KALRN: variants seen among roughly 807,000 people sequenced by gnomAD.
KALRN encodes kalirin RhoGEF kinase.
A neutral mutation model predicts 353.7 loss-of-function variants in KALRN; 70 were observed. The ratio of observed to expected loss-of-function variants is 0.20; its 90% CI spans 0.16 to 0.24. The LOEUF (loss-of-function observed/expected upper bound fraction) is 0.24, where lower values mean the gene tolerates loss of function less well. KALRN is among the 10% of genes least tolerant of loss of function. KALRN has a pLI of 1.00. For missense variants in KALRN, 2,791 were observed against 3,756.7 expected, an observed-to-expected ratio of 0.74 and a Z score of 6.72; for synonymous variants, 1,391 against 1,434.8, an observed-to-expected ratio of 0.97 and a Z score of 0.69.
chr3:124,378,982 A>T (rs2086952653), intron 10 of KALRN, among the ~76,000 whole-genome samples: 1 of 151,840 alleles, frequency 6.6e-6, no homozygotes, highest in African/African-American at 2.4e-5. Context: ...CTTGGTCATT[A>T]TATCTTTAGG....
intron 58 of KALRN, among the ~76,000 whole-genome samples, chr3:124,713,876 C>T (rs1306252626): frequency 6.6e-6 from 1 of 152,108 alleles, no homozygotes; most frequent in African/African-American, 2.4e-5. Context: ...GAGTATGGCT[C>T]CACAAGAACC....
chr3:124,145,178 C>G (rs988683238), intron 1 of KALRN, among the ~76,000 whole-genome samples: 1 of 152,148 alleles, frequency 6.6e-6, no homozygotes, highest in Admixed American at 6.5e-5. Flanking sequence ...AGGCCATGTT[C>G]GCATTTGCTC....
intron 5 of KALRN, among the ~76,000 whole-genome samples, chr3:124,297,743 C>T (rs1373956553): frequency 6.6e-6 from 1 of 152,202 alleles, no homozygotes; most frequent in African/African-American, 2.4e-5. Context: ...TTTCTTGGCT[C>T]AGGTCCAAGG....
intron 48 of KALRN, among the ~76,000 whole-genome samples, chr3:124,673,123 G>A (rs555840114): frequency 1.4e-4 from 21 of 152,148 alleles, no homozygotes; most frequent in African/African-American, 4.8e-4. Flanking sequence ...GCTGGCTCAC[G>A]CCTGTAATCC....
At chr3:124,137,073 T>C (rs576576467) in intron 1 of KALRN, among the ~76,000 whole-genome samples, 1 of 152,192 alleles carries the variant, frequency 6.6e-6, no homozygotes, top group South Asian at 2.1e-4. Flanking sequence ...AGGAAGAGGC[T>C]ATGCTGATGA....
rs895098376 is a variant in KALRN at position 124,720,048 on chromosome 3, A to G, written c.*578A>G. On this transcript the variant is annotated 3_prime_UTR_variant, in exon 60 of 60. Transcript: ENST00000682506. ...AGTGCTCCAGTTAAGACAGTAATTT[A>G]TTTACCGAATCATTACATTGTTTTG... 3 of 152,588 alleles carry G rather than the reference A, an allele frequency of 2.0e-5. No homozygotes were observed. The highest frequency in any genetic ancestry group is 4.4e-5 in the Non-Finnish European group (3 of 68,062). The allele number at this position is 152,588 out of a possible 1,614,324, so 9.5% of individuals were successfully genotyped here.
intron 3 of KALRN, among the ~76,000 whole-genome samples, chr3:124,250,360 A>G (rs2070962584): frequency 6.6e-6 from 1 of 152,130 alleles, no homozygotes; most frequent in Admixed American, 6.5e-5. Flanking sequence ...TGACAAGAGA[A>G]TGAGGAGTGG....
In KALRN at chr3:124,463,833, A is replaced by C. The variant is rs779371383; in HGVS notation, c.4031+1200A>C. ...TCCTGGTATGTCATCAGATGGCATCAGTTTAAAGAGAACATAATATATGTA... is the reference window on the plus strand; with the variant it reads ...TCCTGGTATGTCATCAGATGGCATCCGTTTAAAGAGAACATAATATATGTA... On this transcript the variant is annotated intron_variant, in intron 25 of 59. Transcript: ENST00000682506. Among the ~76,000 whole-genome samples, 36 of 152,326 alleles carry C rather than the reference A, an allele frequency of 2.4e-4. 1 individual carries two copies. The highest frequency in any genetic ancestry group is 3.4e-3 in the Middle Eastern group (1 of 294).
intron 23 of KALRN, among the ~76,000 whole-genome samples, chr3:124,457,219 G>A (rs1053213968): frequency 1.1e-4 from 16 of 152,110 alleles, no homozygotes; most frequent in South Asian, 8.3e-4. Flanking sequence ...ACAGGTGTGC[G>A]CCACCATGCC....
chr3:124,132,462 C>T (rs974804961), intron 1 of KALRN, among the ~76,000 whole-genome samples: 13 of 152,230 alleles, frequency 8.5e-5, no homozygotes, highest in Admixed American at 2.6e-4. Flanking sequence ...ACTGCAGCAC[C>T]GCACAACACA....
At chr3:124,187,043 A>G (rs2074315017) in intron 1 of KALRN, among the ~76,000 whole-genome samples, 1 of 152,160 alleles carries the variant, frequency 6.6e-6, no homozygotes, top group Non-Finnish European at 1.5e-5. Context: ...AGACACAGTA[A>G]TTAGGACCTG....
chr3:124,163,662 G>T, intron 1 of KALRN: 5 of 984,674 alleles, frequency 5.1e-6, no homozygotes, highest in Non-Finnish European at 6.0e-6. Context: ...AAAGGTAGAA[G>T]AATAAATGTA....
At chr3:124,270,597 G>A (rs9868324) in intron 5 of KALRN, among the ~76,000 whole-genome samples, 29,551 of 151,752 alleles carry the variant, frequency 0.19, 2,913 homozygotes, top group South Asian at 0.3. Context: ...ATTTAAGCAA[G>A]GTTTGGGAAC....
At chr3:124,233,592 G>A (rs2079424193) in intron 2 of KALRN, among the ~76,000 whole-genome samples, 1 of 152,072 alleles carries the variant, frequency 6.6e-6, no homozygotes, top group African/African-American at 2.4e-5. Context: ...CCTCCTCAAG[G>A]GTATTCTGGA....
chr3:124,675,713 C>T (rs1300387136), intron 49 of KALRN, among the ~76,000 whole-genome samples: 1 of 152,090 alleles, frequency 6.6e-6, no homozygotes, highest in Admixed American at 6.5e-5. Flanking sequence ...CAACTGGTTC[C>T]CTGCAACTGG....
intron 10 of KALRN, among the ~76,000 whole-genome samples, chr3:124,382,483 A>G (rs2087534717): frequency 1.3e-5 from 2 of 152,220 alleles, no homozygotes; most frequent in African/African-American, 2.4e-5. Flanking sequence ...AGCCATCCCA[A>G]TTTTCCCAGG....
intron 1 of KALRN, among the ~76,000 whole-genome samples, chr3:124,056,729 C>T (rs902032441): frequency 9.2e-5 from 14 of 152,172 alleles, no homozygotes; most frequent in Admixed American, 2.6e-4. Flanking sequence ...GAAATCCAGC[C>T]GCAACAAACC....
intron 13 of KALRN, 129 bp downstream of exon 13, chr3:124,399,000 A>C (rs191892310): frequency 2.2e-6 from 2 of 892,516 alleles, no homozygotes; most frequent in East Asian, 5.6e-5. Context: ...AGAACCCAAG[A>C]AATTCCCAGT....
intron 34 of KALRN, among the ~76,000 whole-genome samples, chr3:124,574,130 A>G (rs746301529): frequency 6.6e-6 from 1 of 152,164 alleles, no homozygotes; most frequent in Non-Finnish European, 1.5e-5. Context: ...TCTGGTTGAG[A>G]TGTCCTGCCT....
Sources: allele counts gnomAD v4.1 joint callset (sites outside exome capture counted in the v4.1 genomes callset), GRCh38; gene constraint gnomAD v4.1.1; transcripts MANE v1.5; gene names NCBI Gene and HGNC (gene_info 2026-07-23, HGNC 2026-07-21).